The following SIK2 variants were observed in gnomAD, a reference collection of about 807,000 sequenced individuals.
The protein encoded by SIK2 is salt inducible kinase 2.
In SIK2, 29 loss-of-function variants were observed where a neutral mutation model predicts 103.2. That is an observed-to-expected ratio of 0.28 (90% CI 0.21 to 0.38). The LOEUF (loss-of-function observed/expected upper bound fraction) is 0.38, where lower values mean the gene tolerates loss of function less well. SIK2 is among the 10% of genes least tolerant of loss of function. SIK2 has a pLI of 1.00. For synonymous variants in SIK2, 412 were observed against 446.1 expected, an observed-to-expected ratio of 0.92 and a Z score of 0.96; for missense variants, 879 against 1,171.0, an observed-to-expected ratio of 0.75 and a Z score of 3.64.
At chr11:111,676,018 G>C (rs187853228) in intron 3 of SIK2, among the ~76,000 whole-genome samples, 1 of 152,208 alleles carries the variant, frequency 6.6e-6, no homozygotes, top group African/African-American at 2.4e-5. Context: ...GCAGTTTTTG[G>C]TTTTCTGTTT....
At chr11:111,703,524 C>T in intron 7 of SIK2, 101 bp downstream of exon 7, 2 of 973,016 alleles carry the variant, frequency 2.1e-6, no homozygotes, top group Admixed American at 2.0e-5. Context: ...ATCTCCAGCG[C>T]CTAGGCGTAC....
chr11:111,716,228 G>A (rs1010854299), intron 9 of SIK2, among the ~76,000 whole-genome samples: 2 of 152,210 alleles, frequency 1.3e-5, no homozygotes, highest in Admixed American at 6.5e-5. Context: ...GGTGTTTCGT[G>A]TCTACTTACA....
chr11:111,674,636 A>C (rs1305636721), intron 3 of SIK2, among the ~76,000 whole-genome samples: 1 of 152,220 alleles, frequency 6.6e-6, no homozygotes, highest in Non-Finnish European at 1.5e-5. Context: ...ACAATCGTAA[A>C]TTGTGTAGTG....
At position 111,712,304 on chromosome 11, in the gene SIK2, T is replaced by C; in HGVS notation, c.1195T>C (p.Phe399Leu). Residue 399 changes from phenylalanine (F) to leucine (L), a missense_variant, in exon 9 of 15, where the codon TTT becomes CTT. Transcript: ENST00000304987. ...LLPQASNVEA[F>L]SFPASGCQAE... ...CCCCCAGGCATCCAACGTGGAGGCC[T>C]TTTCATTTCCAGCATCTGGCTGTCA... The C allele has an allele frequency of 6.2e-7, 1 of 1,614,156 alleles. No homozygotes were observed. The highest frequency in any genetic ancestry group is 8.5e-7 in the Non-Finnish European group (1 of 1,180,018).
At chr11:111,689,414 AAT>A (rs1449719033) in intron 4 of SIK2, among the ~76,000 whole-genome samples, 3 of 152,170 alleles carry the variant, frequency 2.0e-5, no homozygotes, top group Admixed American at 2.0e-4. Flanking sequence ...CAGGAAGACT[AAT>A]AAGGAATCTA....
chr11:111,722,584 C>A lies in SIK2; in HGVS notation c.2056-81C>A. 2 of 1,312,190 alleles carry A rather than the reference C, an allele frequency of 1.5e-6. No homozygotes were observed. Among genetic ancestry groups the A allele is most frequent in the South Asian group, 1.3e-5 (1 of 78,560 alleles). 81.3% of individuals were successfully genotyped at this position (1,312,190 alleles called of 1,614,324 possible). A position where few individuals can be genotyped will look rare whatever the true frequency, so the allele number is the denominator to read the frequency against. On this transcript the variant is annotated intron_variant, in intron 13 of 14. Transcript: ENST00000304987. This position sits in a 1 kb window ranked among gnomAD's most constrained non-coding sequence, Gnocchi z 4.4. ...TCTGTAGAATGCAGTTAGATTCATC[C>A]TGCAGGCAGAAGCACATCTGATGAC... is the stretch of plus-strand genomic sequence containing the variant.
At chr11:111,653,961 GC>G (rs1267500523) in intron 3 of SIK2, among the ~76,000 whole-genome samples, 1 of 152,050 alleles carries the variant, frequency 6.6e-6, no homozygotes, top group Non-Finnish European at 1.5e-5. Context: ...TTTGACACTT[GC>G]CATGTGTGTT....
At chr11:111,670,745 T>G (rs1942613941) in intron 3 of SIK2, among the ~76,000 whole-genome samples, 1 of 152,180 alleles carries the variant, frequency 6.6e-6, no homozygotes, top group African/African-American at 2.4e-5. Context: ...GGGGCTTTAT[T>G]TTGGAAAAAA....
rs548241018 is a variant in SIK2, at chr11:111,618,004, G to A, written c.252+1645G>A. ...TGGCCTTGAACTCCTGGGCTCAAAG[G>A]ATCCTCCCGCTTCAGCTAGGACTAC... On this transcript the variant is annotated intron_variant, in intron 2 of 14. Coordinates refer to ENST00000304987, the MANE Select transcript of SIK2 (RefSeq NM_015191.3). Among the ~76,000 whole-genome samples, 19 of 152,164 alleles carry A rather than the reference G, an allele frequency of 1.2e-4. No individual in the cohort carries two copies. The East Asian group carries it at 3.5e-3, about 28-fold the overall frequency.
At position 111,723,963 on chromosome 11, in the gene SIK2, C is replaced by G. The variant is rs1322865770; in HGVS notation, c.2615C>G (p.Ala872Gly). 48 of 1,614,012 alleles carry G rather than the reference C, an allele frequency of 3.0e-5. No individual in the cohort carries two copies. Among genetic ancestry groups the G allele is most frequent in the Non-Finnish European group, 3.9e-5 (46 of 1,180,014 alleles). Residue 872 changes from alanine to glycine, a missense_variant, in exon 15 of 15, where the codon GCC (alanine) becomes GGC (glycine). Physicochemically the swap from Ala to Gly is moderately conservative, Grantham distance 60. This residue lies in a region of SIK2 where 375 missense variants were observed against 416.3 expected (regional missense o/e 0.90). Transcript: ENST00000304987. The part of the protein sequence containing the change: ...PTPCQYPVDG[A>G]QQSDLTGPDC... ...CCCTGTCAGTATCCTGTGGATGGAG[C>G]CCAGCAGAGCGACCTAACGGGGCCA...
intron 1 of SIK2, among the ~76,000 whole-genome samples, chr11:111,605,485 A>G (rs987874731): frequency 6.6e-6 from 1 of 152,248 alleles, no homozygotes; most frequent in African/African-American, 2.4e-5. Flanking sequence ...AACAATGAAT[A>G]TGGTATAAAA....
chr11:111,623,068 G>A (rs1288574523), intron 3 of SIK2, among the ~76,000 whole-genome samples: 1 of 152,116 alleles, frequency 6.6e-6, no homozygotes, highest in Non-Finnish European at 1.5e-5. Flanking sequence ...TTGCCCCACA[G>A]CTCACTGATG....
intron 4 of SIK2, among the ~76,000 whole-genome samples, chr11:111,697,573 GA>G (rs1943106618): frequency 2.0e-5 from 3 of 152,068 alleles, no homozygotes. Flanking sequence ...TTCAAATGAG[GA>G]AACCAAGGCT....
chr11:111,621,863 C>T (rs1007160145), intron 3 of SIK2, among the ~76,000 whole-genome samples: 5 of 151,772 alleles, frequency 3.3e-5, no homozygotes, highest in African/African-American at 7.3e-5. Flanking sequence ...CAGTGAGCCA[C>T]GACCGCACCA....
intron 3 of SIK2, among the ~76,000 whole-genome samples, chr11:111,627,277 C>G (rs1048342022): frequency 6.6e-6 from 1 of 152,012 alleles, no homozygotes; most frequent in South Asian, 2.1e-4. Context: ...ATTAGTCCCC[C>G]CTATCAGAGG....
intron 3 of SIK2, among the ~76,000 whole-genome samples, chr11:111,632,055 A>G (rs567850011): frequency 9.0e-4 from 137 of 152,346 alleles, no homozygotes; most frequent in Non-Finnish European, 1.7e-3. Context: ...GAGTTGAATC[A>G]GAAAATAGAT....
chr11:111,682,323 A>G (rs946424600), intron 3 of SIK2, among the ~76,000 whole-genome samples: 6 of 152,226 alleles, frequency 3.9e-5, no homozygotes, highest in Non-Finnish European at 7.3e-5. Context: ...CAGTTTCTTC[A>G]TGACAGTGGC....
intron 3 of SIK2, among the ~76,000 whole-genome samples, chr11:111,672,992 C>T (rs369587798): frequency 1.7e-3 from 257 of 152,270 alleles, no homozygotes; most frequent in African/African-American, 6.1e-3. Flanking sequence ...GGTTTCCCTA[C>T]GAATAATGAT....
intron 1 of SIK2, among the ~76,000 whole-genome samples, chr11:111,615,483 T>C (rs781324319): frequency 6.6e-6 from 1 of 152,148 alleles, no homozygotes; most frequent in Non-Finnish European, 1.5e-5. Flanking sequence ...AAATATCTAC[T>C]AATTTTAATA....
Sources: allele counts gnomAD v4.1 joint callset (sites outside exome capture counted in the v4.1 genomes callset), GRCh38; gene constraint gnomAD v4.1.1; regional missense constraint gnomAD v4.1.1; non-coding constraint Gnocchi (gnomAD v3.1); transcripts MANE v1.5; gene names NCBI Gene and HGNC (gene_info 2026-07-23, HGNC 2026-07-21).